CCDC9: variants seen among roughly 807,000 people sequenced by gnomAD.
The protein encoded by CCDC9 is coiled-coil domain-containing protein 9.
Under a neutral mutation model 65.6 loss-of-function variants are expected in CCDC9, and 52 were observed. That is an observed-to-expected ratio of 0.79 (90% CI 0.63 to 1.00). The LOEUF is 1.00. Among genes scored for constraint, CCDC9 ranks in the 50% least tolerant of loss-of-function variants. The pLI is 0.00. For missense variants in CCDC9, 834 were observed against 757.2 expected (o/e 1.10, Z -1.19); for synonymous variants, 332 against 280.3 (o/e 1.18, Z -1.84).
intron 8 of CCDC9, among the ~76,000 whole-genome samples, chr19:47,267,972 T>C (rs981957586): frequency 1.2e-4 from 19 of 152,044 alleles, no homozygotes; most frequent in African/African-American, 4.3e-4. Flanking sequence ...CTCAGCCTCC[T>C]GAGTAGCTGG....
At chr19:47,261,292 C>T (rs2059044263) in intron 5 of CCDC9, among the ~76,000 whole-genome samples, 1 of 152,116 alleles carries the variant, frequency 6.6e-6, no homozygotes, top group African/African-American at 2.4e-5. Context: ...ATCTGGTGTG[C>T]TTGTGAGCAC....
At position 47,270,419 on chromosome 19, in the gene CCDC9, C is replaced by A; in HGVS notation, c.915C>A (p.Gly305=). ...AEKTDGMFKD[G]PVPAHEPSHR... is the part of the protein sequence containing the mutation. ...ATCTTTCCCCCAGGTTCAAGGATGG[C>A]CCAGTCCCTGCCCATGAACCATCCC... The change falls in exon 9 of 12, where the codon GGC becomes GGA. Residue 305 remains glycine, a synonymous_variant. Coordinates refer to ENST00000221922, the MANE Select transcript of CCDC9 (RefSeq NM_015603.3). The A allele has an allele frequency of 6.2e-7, 1 of 1,614,142 alleles. No homozygotes were observed. The highest frequency in any genetic ancestry group is 1.3e-5 in the African/African-American group (1 of 75,046).
chr19:47,266,614 C>G lies in CCDC9; in HGVS notation c.724C>G (p.Arg242Gly), dbSNP rs779926142. ...CTCCCTGTGGGCTGGGGGGCAGGGC[C>G]GCCGAGCTGGCCTGGGCAGTGCTGG... is the stretch of plus-strand genomic sequence containing the variant. Reference protein sequence around the residue: ...RCGLEHERQGRRAGLGSAGDM... With the variant: ...RCGLEHERQGGRAGLGSAGDM... The change falls in exon 8 of 12, where the codon CGC becomes GGC. Residue 242 changes from arginine (R) to glycine (G), a missense_variant. Physicochemically the swap from Arg to Gly is moderately radical, Grantham distance 125. Coordinates refer to ENST00000221922, the MANE Select transcript of CCDC9 (RefSeq NM_015603.3). 2 of 1,530,878 alleles carry G rather than the reference C, an allele frequency of 1.3e-6. No homozygotes were observed. The highest frequency in any genetic ancestry group is 1.8e-6 in the Non-Finnish European group (2 of 1,133,380). 94.8% of individuals were successfully genotyped at this position (1,530,878 alleles called of 1,614,324 possible). A position where few individuals can be genotyped will look rare whatever the true frequency, so the allele number is the denominator to read the frequency against.
downstream of CCDC9, chr19:47,275,366 A>C: frequency 6.5e-7 from 1 of 1,532,108 alleles, no homozygotes; most frequent in Non-Finnish European, 8.8e-7. Flanking sequence ...TTCCACCCCA[A>C]CCCGGATCGC....
At position 47,264,888 on chromosome 19, in the gene CCDC9, G is replaced by A. The variant is rs1186811309; in HGVS notation, c.662G>A (p.Arg221His). The A allele has an allele frequency of 4.1e-6, 6 of 1,473,742 alleles. No homozygotes were observed. The highest frequency in any genetic ancestry group is 4.7e-5 in the East Asian group (2 of 42,262). The allele number at this position is 1,473,742 out of a possible 1,614,324, so 91.3% of individuals were successfully genotyped here. A position where few individuals can be genotyped will look rare whatever the true frequency, so the allele number is the denominator to read the frequency against. The change falls in exon 7 of 12, where the codon CGC (arginine) becomes CAC (histidine). Residue 221 changes from arginine (R) to histidine (H), a missense_variant. Physicochemically the swap from Arg to His is conservative, Grantham distance 29. Transcript: ENST00000221922. Reference protein sequence around the residue: ...DRREESRRHGRNWGGPDFERV... With the variant: ...DRREESRRHGHNWGGPDFERV... The stretch of plus-strand genomic sequence containing the variant: ...CGGGAGGAGAGCCGCCGGCACGGCC[G>A]CAACTGGGGGGGCCCCGACTTCGAG...
chr19:47,270,329 C>G lies in CCDC9; in HGVS notation c.903-78C>G, dbSNP rs867869412. 94 of 1,416,916 alleles carry G rather than the reference C, an allele frequency of 6.6e-5. No homozygotes were observed. The African/African-American group carries it at 1.0e-3, about 16-fold the overall frequency. The allele number at this position is 1,416,916 out of a possible 1,614,324, so 87.8% of individuals were successfully genotyped here. Reference sequence around the variant, plus strand: ...GTCTGTCTCTGATCCGATTCCTGACCCTGACCTCTCCCATCTTCTTGATCC... The same window carrying G: ...GTCTGTCTCTGATCCGATTCCTGACGCTGACCTCTCCCATCTTCTTGATCC... On this transcript the variant is annotated intron_variant, in intron 8 of 11. Coordinates refer to ENST00000221922, the MANE Select transcript of CCDC9 (RefSeq NM_015603.3).
chr19:47,272,234 T>C, downstream of CCDC9: 1 of 955,802 alleles, frequency 1.0e-6, no homozygotes, highest in Non-Finnish European at 1.3e-6. Flanking sequence ...GCAGAGGGCT[T>C]GGGGGGAGTG....
intron 1 of CCDC9, 58 bp downstream of exon 1, chr19:47,256,667 C>G (rs1270321026): frequency 1.3e-4 from 7 of 53,866 alleles, no homozygotes; most frequent in Non-Finnish European, 2.9e-4. Context: ...TGAAGCCCCA[C>G]GTGGCGGGGA....
At chr19:47,261,783 G>A (rs1446918261) in intron 5 of CCDC9, among the ~76,000 whole-genome samples, 1 of 151,424 alleles carries the variant, frequency 6.6e-6, no homozygotes, top group African/African-American at 2.4e-5. Context: ...CACTTTGGGA[G>A]GCTGAGGTGG....
chr19:47,275,632 C>A (rs569658456), downstream of CCDC9: 20 of 477,942 alleles, frequency 4.2e-5, no homozygotes, highest in African/African-American at 3.9e-4. Context: ...GAGCCCACAG[C>A]CCATCTGCCT....
chr19:47,264,730 G>C, intron 6 of CCDC9, 43 bp from the exon 7 acceptor site: 1 of 1,602,604 alleles, frequency 6.2e-7, no homozygotes, highest in Admixed American at 1.7e-5. Flanking sequence ...AGCTGCCTGG[G>C]CTGCGGGGAG....
chr19:47,271,535 A>T lies in CCDC9; in HGVS notation c.1453A>T (p.Thr485Ser), dbSNP rs763243328. 2 of 1,613,028 alleles carry T rather than the reference A, an allele frequency of 1.2e-6. No individual in the cohort carries two copies. The highest frequency in any genetic ancestry group is 1.1e-5 in the South Asian group (1 of 91,048). ...EPLLEPQAPG[T>S]PSSPFSPPSG... ...CCTGCTGGAGCCCCAGGCCCCTGGC[A>T]CGCCTTCCAGCCCTTTCTCACCACC... is the stretch of plus-strand genomic sequence containing the variant. Residue 485 changes from threonine to serine, a missense_variant, in exon 12 of 12, where the codon ACG (threonine) becomes TCG (serine). Coordinates refer to ENST00000221922, the MANE Select transcript of CCDC9 (RefSeq NM_015603.3).
Position 47,271,914 on chromosome 19 carries a change from C to A in CCDC9, c.*236C>A. On this transcript the variant is annotated 3_prime_UTR_variant, in exon 12 of 12. Coordinates refer to ENST00000221922, the MANE Select transcript of CCDC9 (RefSeq NM_015603.3). ...TCCACTCCCAGAGCCTGCCCCAGCC[C>A]TTCGAGCCCCCTCCCCAATAAAGAA... 7.7e-7 allele frequency: 1 copy of A among 1,305,858 alleles called. No individual in the cohort carries two copies. The highest frequency in any genetic ancestry group is 9.7e-7 in the Non-Finnish European group (1 of 1,029,512). 80.9% of individuals were successfully genotyped at this position (1,305,858 alleles called of 1,614,324 possible).
chr19:47,269,874 C>T (rs1001177094), intron 8 of CCDC9, among the ~76,000 whole-genome samples: 7 of 151,926 alleles, frequency 4.6e-5, no homozygotes, highest in African/African-American at 1.7e-4. Flanking sequence ...CTGTGGTGAT[C>T]CCCCCAAATT....
chr19:47,268,790 G>A lies in CCDC9; in HGVS notation c.903-1617G>A, dbSNP rs562501673. On this transcript the variant is annotated intron_variant, in intron 8 of 11. Coordinates refer to ENST00000221922, the MANE Select transcript of CCDC9 (RefSeq NM_015603.3). ...AAATTAGCCGGGTGTGGTGGTGGGCGCCCTGTAGTCCCAGCTACTCGGGAG... is the reference window on the plus strand; with the variant it reads ...AAATTAGCCGGGTGTGGTGGTGGGCACCCTGTAGTCCCAGCTACTCGGGAG... Among the ~76,000 whole-genome samples the A allele has an allele frequency of 3.3e-5, 5 of 151,736 alleles. No homozygotes were observed. In the South Asian group the frequency reaches 1.0e-3, roughly 32 times the overall value.
chr19:47,271,675 A>T lies in CCDC9; in HGVS notation c.1593A>T (p.Val531=). Residue 531 remains valine, a synonymous_variant, in exon 12 of 12, where the codon GTA becomes GTT. Transcript: ENST00000221922. ...SPGEAWPFES[V] Reference sequence around the variant, plus strand: ...GTGAGGCCTGGCCTTTTGAGAGTGTATGAAGCTGGCTGCCTGTGTGTGTGT... The same window carrying T: ...GTGAGGCCTGGCCTTTTGAGAGTGTTTGAAGCTGGCTGCCTGTGTGTGTGT... 1 of 1,516,598 alleles carries T rather than the reference A, an allele frequency of 6.6e-7. No homozygotes were observed. Among genetic ancestry groups the T allele is most frequent in the Non-Finnish European group, 8.9e-7 (1 of 1,122,990 alleles). The allele number at this position is 1,516,598 out of a possible 1,614,324, so 93.9% of individuals were successfully genotyped here.
chr19:47,265,022 C>A (rs980981320), intron 7 of CCDC9, 76 bp downstream of exon 7: 12 of 1,246,820 alleles, frequency 9.6e-6, no homozygotes, highest in African/African-American at 1.5e-5. Flanking sequence ...CCAGACAGAT[C>A]AGGGCCATGG....
chr19:47,275,267 C>T (rs1462179123), downstream of CCDC9: 40 of 1,542,992 alleles, frequency 2.6e-5, no homozygotes, highest in Non-Finnish European at 3.1e-5. Context: ...GCCGCCGCCG[C>T]TACAGCGACC....
chr19:47,275,242 A>AGCTGCCGCTGAGCC, downstream of CCDC9: 1 of 1,536,444 alleles, frequency 6.5e-7, no homozygotes, highest in Middle Eastern at 2.1e-4. Context: ...CCCCAGCTCC[A>AGCTGCCGCTGAGCC]GCTGCCGCTG....
Sources: allele counts gnomAD v4.1 joint callset (sites outside exome capture counted in the v4.1 genomes callset), GRCh38; gene constraint gnomAD v4.1.1; transcripts MANE v1.5; gene names NCBI Gene and HGNC (gene_info 2026-07-23, HGNC 2026-07-21).